THSD4: variants seen among roughly 807,000 people sequenced by gnomAD.
THSD4 encodes the protein thrombospondin type 1 domain containing 4.
A neutral mutation model predicts 119.0 loss-of-function variants in THSD4; 69 were observed. The ratio of observed to expected loss-of-function variants is 0.58; its 90% CI spans 0.48 to 0.71. THSD4 has a LOEUF of 0.71. THSD4 is among the 30% of genes least tolerant of loss of function. The pLI is 0.00. For missense variants in THSD4, 1,393 were observed against 1,391.1 expected (o/e 1.00, Z -0.02); for synonymous variants, 524 against 540.4 (o/e 0.97, Z 0.42).
intron 7 of THSD4, among the ~76,000 whole-genome samples, chr15:71,609,579 G>A (rs781412370): frequency 2.6e-5 from 4 of 152,124 alleles, no homozygotes; most frequent in African/African-American, 4.8e-5. Flanking sequence ...CAGGCCGGGC[G>A]CAGTGGCTCA....
chr15:71,538,240 G>A (rs540295998), intron 7 of THSD4, among the ~76,000 whole-genome samples: 33 of 152,014 alleles, frequency 2.2e-4, no homozygotes, highest in East Asian at 1.2e-3. Flanking sequence ...TCATACTTCC[G>A]TTGTTTGCAT....
chr15:71,747,728 T>C (rs566998294), intron 13 of THSD4, among the ~76,000 whole-genome samples: 8 of 152,360 alleles, frequency 5.3e-5, no homozygotes, highest in African/African-American at 1.9e-4. Flanking sequence ...CAAAACTTTA[T>C]GACTCAGAAA....
At chr15:71,564,544 A>T (rs1344017211) in intron 7 of THSD4, among the ~76,000 whole-genome samples, 1 of 150,458 alleles carries the variant, frequency 6.6e-6, no homozygotes, top group Non-Finnish European at 1.5e-5. Context: ...AGATTCCATT[A>T]CCCAAAACCC....
chr15:71,345,090 G>C (rs537909628), intron 6 of THSD4, among the ~76,000 whole-genome samples: 3 of 151,738 alleles, frequency 2.0e-5, no homozygotes, highest in South Asian at 2.1e-4. Flanking sequence ...CTTTATCCTT[G>C]ATCCTTTCTT....
At chr15:71,212,904 G>A (rs968895077) in intron 3 of THSD4, among the ~76,000 whole-genome samples, 5 of 152,288 alleles carry the variant, frequency 3.3e-5, no homozygotes, top group East Asian at 1.9e-4. Flanking sequence ...TCACAGAGCC[G>A]GGCCATTTAC....
chr15:71,368,502 T>G (rs1449638194), intron 6 of THSD4, among the ~76,000 whole-genome samples: 1 of 152,252 alleles, frequency 6.6e-6, no homozygotes, highest in Non-Finnish European at 1.5e-5. Context: ...TTTCCACATA[T>G]GGCTAGCCAG....
intron 7 of THSD4, among the ~76,000 whole-genome samples, chr15:71,568,170 AT>A (rs935727491): frequency 6.6e-6 from 1 of 152,000 alleles, no homozygotes; most frequent in Admixed American, 6.6e-5. Context: ...CCTCAGAAAT[AT>A]TTTTTTTAAC....
intron 4 of THSD4, among the ~76,000 whole-genome samples, chr15:71,216,476 G>A (rs1561887): frequency 0.19 from 28,675 of 152,222 alleles, 3,022 homozygotes; most frequent in Middle Eastern, 0.26. Flanking sequence ...GACACATCCA[G>A]CCTCCCCAGC....
At chr15:71,266,787 A>G (rs1479864506) in intron 6 of THSD4, among the ~76,000 whole-genome samples, 1 of 151,978 alleles carries the variant, frequency 6.6e-6, no homozygotes, top group Non-Finnish European at 1.5e-5. Context: ...GGAGCTGAAA[A>G]CCACAGCACA....
At chr15:71,642,584 G>A (rs1383031574) in intron 7 of THSD4, among the ~76,000 whole-genome samples, 3 of 152,134 alleles carry the variant, frequency 2.0e-5, no homozygotes, top group South Asian at 2.1e-4. Context: ...GATTAAGAAA[G>A]TGTGGCACAT....
intron 2 of THSD4, among the ~76,000 whole-genome samples, chr15:71,145,859 A>G (rs1567137613): frequency 6.6e-6 from 1 of 151,530 alleles, no homozygotes; most frequent in Non-Finnish European, 1.5e-5. Context: ...AGAGGGAAGG[A>G]GAAGGAGGAG....
intron 3 of THSD4, among the ~76,000 whole-genome samples, chr15:71,210,074 T>C (rs1408322230): frequency 2.0e-5 from 3 of 152,208 alleles, no homozygotes; most frequent in Admixed American, 1.3e-4. Flanking sequence ...ATAAAGTCAT[T>C]TAAACGCTAT....
intron 7 of THSD4, among the ~76,000 whole-genome samples, chr15:71,516,261 A>C (rs773141376): frequency 7.2e-5 from 11 of 152,072 alleles, no homozygotes; most frequent in Non-Finnish European, 1.6e-4. Flanking sequence ...AACATACTTT[A>C]TTTACTCTAC....
At chr15:71,382,725 ATAAT>A (rs1742361952) in intron 6 of THSD4, among the ~76,000 whole-genome samples, 1 of 152,210 alleles carries the variant, frequency 6.6e-6, no homozygotes, top group Admixed American at 6.5e-5. Context: ...CATGGAATAA[ATAAT>A]TTTGAAGGGA....
At chr15:71,529,764 C>T (rs1271035046) in intron 7 of THSD4, among the ~76,000 whole-genome samples, 1 of 152,192 alleles carries the variant, frequency 6.6e-6, no homozygotes, top group Admixed American at 6.5e-5. Flanking sequence ...AATAGTTTTA[C>T]CTTTTCCAGC....
intron 8 of THSD4, among the ~76,000 whole-genome samples, chr15:71,662,203 C>G (rs1408823938): frequency 6.6e-6 from 1 of 152,140 alleles, no homozygotes; most frequent in African/African-American, 2.4e-5. Context: ...TCGGGAACTC[C>G]ATATTCTACA....
intron 8 of THSD4, among the ~76,000 whole-genome samples, chr15:71,725,979 C>T (rs574332735): frequency 6.6e-6 from 1 of 152,118 alleles, no homozygotes; most frequent in East Asian, 1.9e-4. Context: ...CGGGGTTTCT[C>T]CATTTGTTCA....
intron 6 of THSD4, among the ~76,000 whole-genome samples, chr15:71,321,028 CAG>C (rs767235117): frequency 2.0e-5 from 3 of 152,078 alleles, no homozygotes; most frequent in Non-Finnish European, 2.9e-5. Context: ...AACATTTAAA[CAG>C]AGTATATTGT....
At chr15:71,164,673 G>C in intron 3 of THSD4, 1 of 1,519,830 alleles carries the variant, frequency 6.6e-7, no homozygotes, top group Non-Finnish European at 8.8e-7. Flanking sequence ...ATCTTACACA[G>C]CCTTACATTT....
Sources: allele counts gnomAD v4.1 joint callset (sites outside exome capture counted in the v4.1 genomes callset), GRCh38; gene constraint gnomAD v4.1.1; transcripts MANE v1.5; gene names NCBI Gene and HGNC (gene_info 2026-07-23, HGNC 2026-07-21).